SLC24A2: variants seen among roughly 807,000 people sequenced by gnomAD.
The protein encoded by SLC24A2 is sodium/potassium/calcium exchanger 2.
A neutral mutation model predicts 62.0 loss-of-function variants in SLC24A2; 36 were observed. The ratio of observed to expected loss-of-function variants is 0.58; its 90% CI spans 0.44 to 0.77. The LOEUF (loss-of-function observed/expected upper bound fraction) is 0.77, where lower values mean the gene tolerates loss of function less well. Ranked by LOEUF, SLC24A2 falls within the 30% of genes least tolerant of loss-of-function variation. The pLI is 0.00. For missense variants in SLC24A2, 846 were observed against 817.9 expected, an observed-to-expected ratio of 1.03 and a Z score of -0.42; for synonymous variants, 358 against 294.0, an observed-to-expected ratio of 1.22 and a Z score of -2.23.
rs138763500 is a variant in SLC24A2, at chr9:19,573,397, A to C, written c.1301T>G (p.Val434Gly). ...GTTGTGGGAGAGATTTCCATTTTGT[A>C]CAGGTTCTGAAGCATCACTGGATGG... ...MTPSSDASEPVQNGNLSHNIE... is the reference protein window; with the variant it reads ...MTPSSDASEPGQNGNLSHNIE... Residue 434 changes from valine to glycine, a missense_variant, in exon 7 of 11, where the codon GTA (valine) becomes GGA (glycine). Val to Gly is a moderately radical substitution (Grantham distance 109). Coordinates refer to ENST00000341998, the MANE Select transcript of SLC24A2 (RefSeq NM_020344.4). The C allele has an allele frequency of 6.2e-7, 1 of 1,613,624 alleles. No individual in the cohort carries two copies. Among genetic ancestry groups the C allele is most frequent in the African/African-American group, 1.3e-5 (1 of 74,956 alleles).
chr9:20,195,618 C>A, the SLC24A2 span, among the ~76,000 whole-genome samples: 1 of 152,108 alleles, frequency 6.6e-6, no homozygotes, highest in Non-Finnish European at 1.5e-5. Context: ...AAATCTCCTA[C>A]TTTTCTCTTA....
chr9:20,127,947 G>C, the SLC24A2 span, among the ~76,000 whole-genome samples: 3 of 152,004 alleles, frequency 2.0e-5, no homozygotes, highest in African/African-American at 7.2e-5. Flanking sequence ...TTTTTTAAGG[G>C]AAAGTGGGTG....
chr9:19,675,964 C>T (rs1354467420), intron 2 of SLC24A2, among the ~76,000 whole-genome samples: 2 of 152,120 alleles, frequency 1.3e-5, no homozygotes, highest in Non-Finnish European at 2.9e-5. Flanking sequence ...GGCAGCACTC[C>T]CCAAGAGTAC....
At chr9:19,593,591 T>C (rs1350453177) in intron 5 of SLC24A2, among the ~76,000 whole-genome samples, 1 of 152,166 alleles carries the variant, frequency 6.6e-6, no homozygotes. Context: ...TAGAAAGAAA[T>C]GCTTTCTTCA....
the SLC24A2 span, among the ~76,000 whole-genome samples, chr9:20,255,584 T>G: frequency 1.3e-5 from 2 of 151,630 alleles, no homozygotes; most frequent in African/African-American, 2.4e-5. Flanking sequence ...GGTGTAGCTG[T>G]CAGCGAGGGC....
the SLC24A2 span, among the ~76,000 whole-genome samples, chr9:20,106,967 A>T: frequency 1.3e-5 from 2 of 152,360 alleles, no homozygotes; most frequent in African/African-American, 4.8e-5. Flanking sequence ...CTCAGCCAAA[A>T]ATCTCCTTAA....
chr9:19,794,849 G>A, the SLC24A2 span, among the ~76,000 whole-genome samples: 1 of 151,998 alleles, frequency 6.6e-6, no homozygotes, highest in African/African-American at 2.4e-5. Flanking sequence ...CGGAAAGCAA[G>A]CAAGGAGCAT....
At position 19,510,998 on chromosome 9, in the gene SLC24A2, A is replaced by C. The variant is rs1418139963; in HGVS notation, c.*5155T>G. On this transcript the variant is annotated 3_prime_UTR_variant, in exon 11 of 11. Coordinates refer to ENST00000341998, the MANE Select transcript of SLC24A2 (RefSeq NM_020344.4). ...AAGGCTGGTGCCCCATGTGTGAGGA[A>C]GGCATGCAAAATGCCAGTGTGTACA... 6.6e-6 allele frequency: 1 copy of C among 152,184 alleles called. No individual in the cohort carries two copies. The highest frequency in any genetic ancestry group is 1.5e-5 in the Non-Finnish European group (1 of 68,058). 9.4% of individuals were successfully genotyped at this position (152,184 alleles called of 1,614,324 possible). A position where few individuals can be genotyped will look rare whatever the true frequency, so the allele number is the denominator to read the frequency against.
chr9:19,681,047 C>T (rs1006143353), intron 2 of SLC24A2, among the ~76,000 whole-genome samples: 32 of 152,064 alleles, frequency 2.1e-4, no homozygotes, highest in African/African-American at 7.2e-4. Context: ...AAAATGTTGT[C>T]AGAATATATT....
the SLC24A2 span, among the ~76,000 whole-genome samples, chr9:20,086,563 G>T: frequency 6.6e-6 from 1 of 152,144 alleles, no homozygotes; most frequent in African/African-American, 2.4e-5. Flanking sequence ...GTGCCCAACC[G>T]AGTTTTTTGA....
chr9:20,237,132 T>C, the SLC24A2 span, among the ~76,000 whole-genome samples: 2 of 152,234 alleles, frequency 1.3e-5, no homozygotes, highest in African/African-American at 4.8e-5. Flanking sequence ...GGCTATCTTC[T>C]GCTTCTTTGT....
At chr9:20,049,813 T>C in the SLC24A2 span, among the ~76,000 whole-genome samples, 2 of 152,070 alleles carry the variant, frequency 1.3e-5, no homozygotes, top group African/African-American at 4.8e-5. Context: ...AATCACTGGG[T>C]AGAAGCTAGA....
At chr9:19,530,078 CTTTTTTTTTTTTT>C (rs11365952) in intron 8 of SLC24A2, among the ~76,000 whole-genome samples, 1 of 124,932 alleles carries the variant, frequency 8.0e-6, no homozygotes, top group Admixed American at 8.2e-5. Flanking sequence ...ATAAAAGCAG[CTTTTTTTTTTTTT>C]TTTTTTTAAG....
At chr9:19,835,570 A>G in the SLC24A2 span, among the ~76,000 whole-genome samples, 1 of 152,250 alleles carries the variant, frequency 6.6e-6, no homozygotes, top group Non-Finnish European at 1.5e-5. Flanking sequence ...ACCCAGATTC[A>G]TAAAGCAAGT....
At chr9:20,028,839 A>G in the SLC24A2 span, among the ~76,000 whole-genome samples, 1 of 152,188 alleles carries the variant, frequency 6.6e-6, no homozygotes, top group South Asian at 2.1e-4. Context: ...CTTCCCTGAT[A>G]ACACTCATTC....
the SLC24A2 span, among the ~76,000 whole-genome samples, chr9:20,074,814 A>G: frequency 1.2e-3 from 190 of 152,274 alleles, 2 homozygotes; most frequent in East Asian, 0.019. Context: ...AACATTCTAA[A>G]TTATAAATAA....
At chr9:19,538,359 T>C (rs1236445953) in intron 8 of SLC24A2, among the ~76,000 whole-genome samples, 1 of 142,880 alleles carries the variant, frequency 7.0e-6, no homozygotes, top group Non-Finnish European at 1.5e-5. Context: ...ATAGCTCTTA[T>C]TATTTTGAAA....
intron 2 of SLC24A2, among the ~76,000 whole-genome samples, chr9:19,740,809 G>C (rs1232113514): frequency 6.6e-6 from 1 of 151,254 alleles, no homozygotes. Flanking sequence ...GGATACCTGG[G>C]TGTTTGTTTC....
At chr9:20,163,711 A>G in the SLC24A2 span, among the ~76,000 whole-genome samples, 1 of 152,198 alleles carries the variant, frequency 6.6e-6, no homozygotes, top group East Asian at 1.9e-4. Flanking sequence ...TGGAGGCATC[A>G]TGCTACCTGA....
Sources: gnomAD v4.1 joint callset for allele counts (sites outside exome capture counted in the v4.1 genomes callset) on GRCh38, gnomAD v4.1.1 for gene constraint, MANE v1.5 for transcripts, NCBI Gene and HGNC (gene_info 2026-07-23, HGNC 2026-07-21) for gene names.